Variants in DLG2 observed in about 807,000 individuals in gnomAD.
DLG2 encodes the protein disks large homolog 2.
DLG2 carries 45 observed loss-of-function variants against 132.5 expected under a neutral mutation model. The observed-to-expected ratio is 0.34, with a 90% CI of 0.27 to 0.44. The LOEUF is 0.44. DLG2 is among the 20% of genes least tolerant of loss of function. The pLI is 1.00. For missense variants in DLG2, 1,045 were observed against 1,196.9 expected, an observed-to-expected ratio of 0.87 and a Z score of 1.87; for synonymous variants, 424 against 419.6, an observed-to-expected ratio of 1.01 and a Z score of -0.13.
chr11:84,581,542 TATG>T (rs2099516265), intron 6 of DLG2, among the ~76,000 whole-genome samples: 1 of 152,194 alleles, frequency 6.6e-6, no homozygotes, highest in Non-Finnish European at 1.5e-5. Flanking sequence ...ATTTTAAACA[TATG>T]ATAGACATTA....
At chr11:85,380,130 C>T (rs1475754235) in intron 3 of DLG2, among the ~76,000 whole-genome samples, 1 of 151,752 alleles carries the variant, frequency 6.6e-6, no homozygotes, top group African/African-American at 2.4e-5. Context: ...TGATGCATAA[C>T]TACTGAACCT....
At chr11:84,005,017 C>T (rs1225718368) in intron 11 of DLG2, among the ~76,000 whole-genome samples, 1 of 148,690 alleles carries the variant, frequency 6.7e-6, no homozygotes, top group Non-Finnish European at 1.5e-5. Flanking sequence ...ATCCCCCCAA[C>T]CAAAAAACCC....
chr11:84,413,022 A>C (rs2098915186), intron 7 of DLG2, among the ~76,000 whole-genome samples: 1 of 152,190 alleles, frequency 6.6e-6, no homozygotes, highest in African/African-American at 2.4e-5. Context: ...GGTACAGACA[A>C]TTTGAAAGCT....
intron 19 of DLG2, among the ~76,000 whole-genome samples, chr11:83,620,932 A>AT (rs1343788669): frequency 6.6e-6 from 1 of 151,736 alleles, no homozygotes; most frequent in African/African-American, 2.4e-5. Flanking sequence ...TAGATCCAAA[A>AT]TACTCAAGAT....
chr11:84,796,916 G>A (rs921379686), intron 6 of DLG2, among the ~76,000 whole-genome samples: 10 of 151,320 alleles, frequency 6.6e-5, no homozygotes, highest in African/African-American at 1.2e-4. Flanking sequence ...GTGCAATTTC[G>A]GCTCACTGCA....
At chr11:84,146,893 C>T (rs568731001) in intron 9 of DLG2, among the ~76,000 whole-genome samples, 1 of 152,218 alleles carries the variant, frequency 6.6e-6, no homozygotes, top group South Asian at 2.1e-4. Context: ...TTCCCTCTCT[C>T]TCATCTCCAG....
intron 6 of DLG2, among the ~76,000 whole-genome samples, chr11:84,608,899 C>T (rs1399540816): frequency 2.0e-5 from 3 of 152,178 alleles, no homozygotes; most frequent in Non-Finnish European, 4.4e-5. Flanking sequence ...CTATTATCTG[C>T]TCCACTTTTT....
intron 4 of DLG2, among the ~76,000 whole-genome samples, chr11:85,229,954 G>T (rs1303202403): frequency 6.6e-6 from 1 of 151,948 alleles, no homozygotes; most frequent in African/African-American, 2.4e-5. Flanking sequence ...ACAAAGAGGG[G>T]AGCATCACAC....
intron 3 of DLG2, among the ~76,000 whole-genome samples, chr11:85,405,661 G>A (rs2088657240): frequency 1.3e-5 from 2 of 151,958 alleles, no homozygotes; most frequent in African/African-American, 2.4e-5. Flanking sequence ...TTAGAAAGGG[G>A]CTTAGAGAGG....
At chr11:85,471,352 T>C (rs1244326223) in intron 3 of DLG2, among the ~76,000 whole-genome samples, 3 of 151,716 alleles carry the variant, frequency 2.0e-5, no homozygotes, top group Non-Finnish European at 2.9e-5. Context: ...CACAAGAAAA[T>C]AATCCCCCAT....
intron 6 of DLG2, among the ~76,000 whole-genome samples, chr11:84,770,839 G>T (rs933380895): frequency 6.6e-6 from 1 of 151,392 alleles, no homozygotes; most frequent in African/African-American, 2.4e-5. Context: ...AGTAAGGACA[G>T]GGTTTCACCG....
intron 11 of DLG2, among the ~76,000 whole-genome samples, chr11:84,033,952 A>G (rs2095790288): frequency 6.6e-6 from 1 of 152,122 alleles, no homozygotes; most frequent in East Asian, 1.9e-4. Context: ...ATGTTGGCAC[A>G]TGCCTGTAAT....
chr11:85,608,684 T>C (rs1192984888), intron 2 of DLG2, among the ~76,000 whole-genome samples: 2 of 152,036 alleles, frequency 1.3e-5, no homozygotes. Flanking sequence ...TTTTGTCCCC[T>C]TCAAGCTGTA....
In DLG2 at chr11:85,598,801, ATAT is replaced by A; in HGVS notation, c.-92-16_-92-14del. ...GCTCGGTCAGTATCTGAAAAACATG[ATAT>A]TATTATTATATTTTATGGTCTTAGC... On this transcript the variant is annotated splice_polypyrimidine_tract_variant and intron_variant, in intron 2 of 27. Transcript: ENST00000376104. 2.7e-6 allele frequency: 2 copies of A among 751,714 alleles called. No homozygotes were observed. Among genetic ancestry groups the A allele is most frequent in the Non-Finnish European group, 4.0e-6 (2 of 498,526 alleles). 46.6% of individuals were successfully genotyped at this position (751,714 alleles called of 1,614,324 possible).
chr11:84,128,829 G>T (rs998238470), intron 9 of DLG2, among the ~76,000 whole-genome samples: 2 of 152,094 alleles, frequency 1.3e-5, no homozygotes, highest in Non-Finnish European at 2.9e-5. Context: ...AGCCATTTAA[G>T]TTGAAAAAAC....
intron 11 of DLG2, among the ~76,000 whole-genome samples, chr11:84,012,991 G>T (rs774657219): frequency 1.3e-5 from 2 of 152,092 alleles, no homozygotes; most frequent in Admixed American, 6.6e-5. Context: ...TAAAGGAAAA[G>T]AGAATAAGCT....
chr11:84,118,934 AC>A (rs2093771966), intron 9 of DLG2, among the ~76,000 whole-genome samples: 1 of 152,170 alleles, frequency 6.6e-6, no homozygotes, highest in Non-Finnish European at 1.5e-5. Context: ...ACATTCTGCC[AC>A]TTTCAATCCT....
chr11:84,256,088 A>G (rs1294619693), intron 7 of DLG2, among the ~76,000 whole-genome samples: 1 of 152,180 alleles, frequency 6.6e-6, no homozygotes, highest in Non-Finnish European at 1.5e-5. Flanking sequence ...AAATGTTCTC[A>G]GATTACATGA....
At chr11:84,432,784 T>C (rs756008934) in intron 7 of DLG2, among the ~76,000 whole-genome samples, 2 of 152,130 alleles carry the variant, frequency 1.3e-5, no homozygotes, top group Non-Finnish European at 2.9e-5. Flanking sequence ...CCCAGCACTA[T>C]GGGAGGCTGA....
Sources: allele counts gnomAD v4.1 joint callset (sites outside exome capture counted in the v4.1 genomes callset), GRCh38; gene constraint gnomAD v4.1.1; transcripts MANE v1.5; gene names NCBI Gene and HGNC (gene_info 2026-07-23, HGNC 2026-07-21).